The following ARL15 variants were observed in gnomAD, a reference collection of about 807,000 sequenced individuals.
The protein encoded by ARL15 is ADP-ribosylation factor-like protein 15.
A neutral mutation model predicts 25.2 loss-of-function variants in ARL15; 19 were observed. The ratio of observed to expected loss-of-function variants is 0.75; its 90% CI spans 0.53 to 1.10. ARL15 has a LOEUF of 1.10. Among genes scored for constraint, ARL15 ranks in the 50% least tolerant of loss-of-function variants. ARL15 has a pLI of 0.00. For synonymous variants in ARL15, 94 were observed against 86.8 expected (o/e 1.08, Z -0.46); for missense variants, 220 against 246.0 (o/e 0.89, Z 0.71).
At chr5:53,913,048 C>T (rs1337876296) in intron 4 of ARL15, among the ~76,000 whole-genome samples, 2 of 152,260 alleles carry the variant, frequency 1.3e-5, no homozygotes, top group East Asian at 3.9e-4. Context: ...GCCTGTAATC[C>T]CAGCACTTTC....
At chr5:54,045,603 A>T (rs1295049591) in intron 4 of ARL15, among the ~76,000 whole-genome samples, 2 of 151,964 alleles carry the variant, frequency 1.3e-5, no homozygotes, top group Non-Finnish European at 2.9e-5. Flanking sequence ...GAAGGAAAAA[A>T]AAAAAGCCAC....
In ARL15 at chr5:54,260,573, G is replaced by A. The variant is rs16882548; in HGVS notation, c.48+49859C>T. 1.0e-3 allele frequency among the ~76,000 whole-genome samples: 157 copies of A among 152,168 alleles called. 1 individual carries two copies. Among genetic ancestry groups the A allele is most frequent in the African/African-American group, 3.7e-3 (154 of 41,516 alleles). ...GAAATAAATCCCAAGAGACCACAGGGTTCTAGTTAGGCTGATTTACCACTT... is the reference window on the plus strand; with the variant it reads ...GAAATAAATCCCAAGAGACCACAGGATTCTAGTTAGGCTGATTTACCACTT... On this transcript the variant is annotated intron_variant, in intron 1 of 4. Transcript: ENST00000504924.
chr5:54,093,653 T>G (rs1223847264), intron 4 of ARL15, among the ~76,000 whole-genome samples: 1 of 148,838 alleles, frequency 6.7e-6, no homozygotes, highest in African/African-American at 2.5e-5. Context: ...ATGCTGGAGG[T>G]AATTTAATAA....
At chr5:54,211,596 G>T (rs1356416416) in intron 1 of ARL15, among the ~76,000 whole-genome samples, 1 of 149,808 alleles carries the variant, frequency 6.7e-6, no homozygotes, top group East Asian at 2.0e-4. Context: ...TCAGCCTCGC[G>T]AGTAGCTGGG....
chr5:54,086,693 A>G (rs1480121652), intron 4 of ARL15, among the ~76,000 whole-genome samples: 1 of 152,140 alleles, frequency 6.6e-6, no homozygotes, highest in Non-Finnish European at 1.5e-5. Context: ...AAAAATACAC[A>G]CTGGTCCGCT....
At chr5:53,956,353 C>G (rs922078889) in intron 4 of ARL15, among the ~76,000 whole-genome samples, 3 of 151,330 alleles carry the variant, frequency 2.0e-5, no homozygotes, top group Admixed American at 2.0e-4. Flanking sequence ...TCCAGGGTTA[C>G]CATATTACAA....
At chr5:54,083,983 T>G (rs1443042938) in intron 4 of ARL15, among the ~76,000 whole-genome samples, 1 of 151,736 alleles carries the variant, frequency 6.6e-6, no homozygotes, top group Non-Finnish European at 1.5e-5. Context: ...TATATGGGGG[T>G]AGTAATCCCC....
chr5:54,098,457 A>C (rs764265640), intron 4 of ARL15, among the ~76,000 whole-genome samples: 28 of 152,118 alleles, frequency 1.8e-4, no homozygotes, highest in Middle Eastern at 3.2e-3. Flanking sequence ...GTAACCCTGC[A>C]TCACTGCTCA....
In ARL15 at chr5:54,257,613, T is replaced by A. The variant is rs76948150; in HGVS notation, c.48+52819A>T. Among the ~76,000 whole-genome samples the A allele has an allele frequency of 6.2e-3, 952 of 152,352 alleles. 7 individuals are homozygous for A. The highest frequency in any genetic ancestry group is 0.022 in the African/African-American group (911 of 41,578). On this transcript the variant is annotated intron_variant, in intron 1 of 4. Coordinates refer to ENST00000504924, the MANE Select transcript of ARL15 (RefSeq NM_019087.3). ...GCCAATTTCAACATAAATAAGCAGA[T>A]AAGTTGTATGATGCATTTTTATTAT...
chr5:53,886,374 C>A lies in ARL15; in HGVS notation c.*187G>T. On this transcript the variant is annotated 3_prime_UTR_variant, in exon 5 of 5. Transcript: ENST00000504924. ...TTCTCTCTCAGTAGTGTGTACTTGA[C>A]GTTAATGCCGATGATAATTCATCTG... 3.3e-6 allele frequency: 2 copies of A among 608,498 alleles called. No homozygotes were observed. The highest frequency in any genetic ancestry group is 1.9e-5 in the African/African-American group (1 of 53,946). 37.7% of individuals were successfully genotyped at this position (608,498 alleles called of 1,614,324 possible).
At chr5:54,292,224 C>A (rs1448998946) in intron 1 of ARL15, among the ~76,000 whole-genome samples, 1 of 152,156 alleles carries the variant, frequency 6.6e-6, no homozygotes, top group African/African-American at 2.4e-5. Context: ...AGGAGCCCTC[C>A]CCTCCCTCCC....
intron 1 of ARL15, among the ~76,000 whole-genome samples, chr5:54,230,346 G>GAAAAAAA (rs137882615): frequency 7.6e-5 from 7 of 91,828 alleles, no homozygotes; most frequent in African/African-American, 2.6e-4. Context: ...TTCCATCTCA[G>GAAAAAAA]AAAAAAAAAA....
chr5:54,172,994 T>A (rs1754765300), intron 1 of ARL15, among the ~76,000 whole-genome samples: 1 of 151,806 alleles, frequency 6.6e-6, no homozygotes, highest in Non-Finnish European at 1.5e-5. Context: ...GTCTGGCCAA[T>A]GTGGTGAAAC....
intron 1 of ARL15, among the ~76,000 whole-genome samples, chr5:54,192,683 G>A (rs1561260924): frequency 6.7e-6 from 1 of 149,904 alleles, no homozygotes; most frequent in Admixed American, 6.7e-5. Context: ...TCTAGACAGA[G>A]TTTTAAAGTT....
At chr5:53,905,532 T>A (rs1745220178) in intron 4 of ARL15, among the ~76,000 whole-genome samples, 1 of 152,182 alleles carries the variant, frequency 6.6e-6, no homozygotes, top group African/African-American at 2.4e-5. Flanking sequence ...TTATAAAGTA[T>A]ACCCATCAAG....
At chr5:54,198,930 T>C (rs973210411) in intron 1 of ARL15, among the ~76,000 whole-genome samples, 11 of 152,108 alleles carry the variant, frequency 7.2e-5, no homozygotes, top group Non-Finnish European at 1.3e-4. Context: ...AACAGCATGG[T>C]ATTGGTACCA....
intron 1 of ARL15, among the ~76,000 whole-genome samples, chr5:54,219,632 T>C (rs1206671236): frequency 6.6e-6 from 1 of 152,140 alleles, no homozygotes; most frequent in Non-Finnish European, 1.5e-5. Flanking sequence ...GTCTGTATCA[T>C]ACTGGTTTAT....
At chr5:53,959,671 A>G (rs975884962) in intron 4 of ARL15, among the ~76,000 whole-genome samples, 1 of 151,946 alleles carries the variant, frequency 6.6e-6, no homozygotes, top group Admixed American at 6.6e-5. Flanking sequence ...TATTATTCCT[A>G]CTACTTTCTG....
chr5:53,943,232 G>A (rs1194649061), intron 4 of ARL15, among the ~76,000 whole-genome samples: 3 of 152,182 alleles, frequency 2.0e-5, no homozygotes, highest in Non-Finnish European at 4.4e-5. Context: ...GAAGAACAAA[G>A]TGATGATGCC....
Sources: gnomAD v4.1 joint callset for allele counts (sites outside exome capture counted in the v4.1 genomes callset) on GRCh38, gnomAD v4.1.1 for gene constraint, MANE v1.5 for transcripts, NCBI Gene and HGNC (gene_info 2026-07-23, HGNC 2026-07-21) for gene names.